Variants in COX15 observed in about 807,000 individuals in gnomAD.
The protein encoded by COX15 is cytochrome c oxidase assembly factor COX15.
COX15 carries 51 observed loss-of-function variants against 51.9 expected under a neutral mutation model. The ratio of observed to expected loss-of-function variants is 0.98; its 90% CI spans 0.78 to 1.24. The LOEUF is 1.24. Among genes scored for constraint, COX15 ranks in the 50% most tolerant of loss-of-function variants. The pLI, the probability that COX15 is intolerant of heterozygous loss-of-function variation, is 0.00. For synonymous variants in COX15, 188 were observed against 190.5 expected, an observed-to-expected ratio of 0.99 and a Z score of 0.11; for missense variants, 420 against 501.1, an observed-to-expected ratio of 0.84 and a Z score of 1.55.
chr10:99,696,084 C>T, the COX15 span: 69 of 1,614,022 alleles, frequency 4.3e-5, no homozygotes, highest in East Asian at 1.1e-4. Context: ...GGCAGCGCTA[C>T]GAAGACCTTG....
the COX15 span, among the ~76,000 whole-genome samples, chr10:99,699,548 A>T: frequency 2.6e-5 from 4 of 152,100 alleles, no homozygotes; most frequent in Non-Finnish European, 5.9e-5. Context: ...AGAGAAACGA[A>T]TGGGAGAATC....
chr10:99,714,370 AT>A lies in COX15; in HGVS notation c.*216del. ...CTCTACATTAAAACTGATTTTCAACATGAAAAGCAGATTTAAAAGGGAACAT... is the reference window on the plus strand; with the variant it reads ...CTCTACATTAAAACTGATTTTCAACAGAAAAGCAGATTTAAAAGGGAACAT... On this transcript the variant is annotated 3_prime_UTR_variant, in exon 9 of 9. Coordinates refer to ENST00000016171, the MANE Select transcript of COX15 (RefSeq NM_078470.6). 7.3e-7 allele frequency: 1 copy of A among 1,362,920 alleles called. No homozygotes were observed. Among genetic ancestry groups the A allele is most frequent in the East Asian group, 3.0e-5 (1 of 33,004 alleles). 84.4% of individuals were successfully genotyped at this position (1,362,920 alleles called of 1,614,324 possible). A position where few individuals can be genotyped will look rare whatever the true frequency, so the allele number is the denominator to read the frequency against.
At chr10:99,731,820 G>T (rs1243599797) in intron 1 of COX15, 140 bp downstream of exon 1, 1 of 1,055,758 alleles carries the variant, frequency 9.5e-7, no homozygotes, top group Non-Finnish European at 1.4e-6. Context: ...CTGAACCTAG[G>T]GGCTCTGATC....
At chr10:99,698,871 T>C in the COX15 span, 1 of 1,577,250 alleles carries the variant, frequency 6.3e-7, no homozygotes, top group Non-Finnish European at 8.6e-7. Flanking sequence ...AAATTATTAA[T>C]GATAAACATG....
At chr10:99,694,582 G>T in the COX15 span, among the ~76,000 whole-genome samples, 24 of 149,354 alleles carry the variant, frequency 1.6e-4, no homozygotes, top group African/African-American at 5.2e-4. Context: ...TGTCACTCAG[G>T]CTGGAGTGCC....
downstream of COX15, chr10:99,710,371 C>T: frequency 1.0e-6 from 1 of 985,256 alleles, no homozygotes; most frequent in South Asian, 4.7e-5. Flanking sequence ...GAAGTACATG[C>T]CATGTACTCC....
At chr10:99,702,747 C>CT in the COX15 span, 28,544 of 1,078,208 alleles carry the variant, frequency 0.026, no homozygotes, top group South Asian at 0.035. Flanking sequence ...CGGTTTCTTT[C>CT]TTTTTTTTTT....
At chr10:99,707,744 TC>T (rs1193481207), downstream of COX15, among the ~76,000 whole-genome samples, 4 of 152,372 alleles carry the variant, frequency 2.6e-5, no homozygotes, top group South Asian at 8.3e-4. Flanking sequence ...TCCATCACTT[TC>T]CCCAAAATTC....
Position 99,712,173 on chromosome 10 carries a change from T to C in COX15, c.*2414A>G, listed in dbSNP as rs2036414243. The C allele has an allele frequency of 7.3e-6, 7 of 956,132 alleles. No individual in the cohort carries two copies. In the South Asian group the frequency reaches 2.9e-4, roughly 40 times the overall value. 59.2% of individuals were successfully genotyped at this position (956,132 alleles called of 1,614,324 possible). On this transcript the variant is annotated 3_prime_UTR_variant, in exon 9 of 9. Transcript: ENST00000016171. ...CACCTCTAACACTGAATGTCACACT[T>C]TGAACATGAGATTTGGAGGGGACAA...
At position 99,720,515 on chromosome 10, in the gene COX15, T is replaced by C. The variant is rs1191015730; in HGVS notation, c.832+472A>G. ...TGAACTCTCCACCTGCAACCATCTCTGAGGGCAAGCCTTTTCTCTGACCCA... is the reference window on the plus strand; with the variant it reads ...TGAACTCTCCACCTGCAACCATCTCCGAGGGCAAGCCTTTTCTCTGACCCA... On this transcript the variant is annotated intron_variant, in intron 6 of 8. Transcript: ENST00000016171. Among the ~76,000 whole-genome samples, 4 of 152,328 alleles carry C rather than the reference T, an allele frequency of 2.6e-5. No individual in the cohort carries two copies. The East Asian group carries it at 7.7e-4, about 29-fold the overall frequency.
intron 7 of COX15, chr10:99,716,788 C>G (rs1400218012): frequency 2.2e-5 from 7 of 315,728 alleles, no homozygotes; most frequent in Non-Finnish European, 3.8e-5. Context: ...TTATCCCTAA[C>G]CATATCTCTA....
the COX15 span, among the ~76,000 whole-genome samples, chr10:99,695,470 C>T: frequency 1.3e-5 from 2 of 151,022 alleles, no homozygotes; most frequent in Admixed American, 1.3e-4. Flanking sequence ...TGCAGTGAGC[C>T]GAGAGCATGC....
the COX15 span, chr10:99,705,657 G>A: frequency 1.3e-5 from 2 of 152,240 alleles, no homozygotes; most frequent in African/African-American, 2.4e-5. Context: ...AGAATCAGGA[G>A]AGTGGGCAAA....
At chr10:99,695,941 G>T in the COX15 span, 10 of 1,581,754 alleles carry the variant, frequency 6.3e-6, no homozygotes, top group Admixed American at 7.6e-5. Context: ...TTTTTCTCTT[G>T]GTATTGTATT....
At chr10:99,710,545 G>T (rs2036349383), downstream of COX15, 1 of 985,160 alleles carries the variant, frequency 1.0e-6, no homozygotes, top group Non-Finnish European at 1.2e-6. Flanking sequence ...CAATAATTTT[G>T]TTGAATTTTG....
At chr10:99,715,323 G>A (rs1406177325) in intron 8 of COX15, among the ~76,000 whole-genome samples, 1 of 152,066 alleles carries the variant, frequency 6.6e-6, no homozygotes, top group East Asian at 1.9e-4. Context: ...TTTTTTAGTA[G>A]AGACAGAGTT....
At chr10:99,716,289 G>C (rs1034218499) in intron 8 of COX15, 59 bp downstream of exon 8, 3 of 1,226,478 alleles carry the variant, frequency 2.4e-6, no homozygotes, top group South Asian at 2.4e-5. Context: ...CACTGTGCCC[G>C]GCCCCTTTTT....
downstream of COX15, chr10:99,710,483 AT>A (rs2036346780): frequency 1.0e-6 from 1 of 985,270 alleles, no homozygotes; most frequent in South Asian, 4.7e-5. Flanking sequence ...CCTGTATTAC[AT>A]TGCTTTGGGG....
downstream of COX15, among the ~76,000 whole-genome samples, chr10:99,707,753 T>C (rs1446022675): frequency 1.3e-5 from 2 of 152,230 alleles, no homozygotes; most frequent in Non-Finnish European, 2.9e-5. Flanking sequence ...TTCCCCAAAA[T>C]TCTTGTCATA....
Sources: gnomAD v4.1 joint callset for allele counts (sites outside exome capture counted in the v4.1 genomes callset) on GRCh38, gnomAD v4.1.1 for gene constraint, MANE v1.5 for transcripts, NCBI Gene and HGNC (gene_info 2026-07-23, HGNC 2026-07-21) for gene names.